TSPAN4: variants seen among roughly 807,000 people sequenced by gnomAD.
TSPAN4 encodes tetraspanin-4.
Under a neutral mutation model 31.5 loss-of-function variants are expected in TSPAN4, and 38 were observed. That is an observed-to-expected ratio of 1.21 (90% CI 0.93 to 1.58). The LOEUF is 1.58. Ranked by LOEUF, TSPAN4 falls within the 40% of genes most tolerant of loss-of-function variation. The probability of loss-of-function intolerance (pLI) is 0.00; values close to 1 mark genes in which losing one functional copy is unlikely to be tolerated. For missense variants in TSPAN4, 330 were observed against 317.3 expected (o/e 1.04, Z -0.30); for synonymous variants, 186 against 144.6 (o/e 1.29, Z -2.06).
chr11:852,096 C>T lies in TSPAN4; in HGVS notation c.63+1729C>T, dbSNP rs116318071. ...AACACACAAGGAACCCCCTTGGGAC[C>T]CTATTCTGGGCTGGAAAATGCAATT... On this transcript the variant is annotated intron_variant, in intron 3 of 8. Transcript: ENST00000397397. Among the ~76,000 whole-genome samples the T allele has an allele frequency of 3.4e-3, 519 of 152,240 alleles. 6 individuals carry two copies. The highest frequency in any genetic ancestry group is 0.012 in the African/African-American group (498 of 41,534).
intron 2 of TSPAN4, 143 bp from the exon 3 acceptor site, chr11:850,137 TACGGGCGC>T (rs1847582053): frequency 3.4e-6 from 2 of 587,736 alleles, no homozygotes; most frequent in Admixed American, 6.5e-5. Flanking sequence ...CAGCAGCCTA[TACGGGCGC>T]GCGGGCGGCG....
chr11:865,281 G>A (rs894322281), intron 5 of TSPAN4: 10 of 571,372 alleles, frequency 1.8e-5, no homozygotes, highest in Non-Finnish European at 2.8e-5. Flanking sequence ...TGTCCCCCCA[G>A]GACCCATGGT....
At chr11:866,481 C>A in intron 8 of TSPAN4, 81 bp from the exon 9 acceptor site, 1 of 1,375,688 alleles carries the variant, frequency 7.3e-7, no homozygotes, top group Non-Finnish European at 1.0e-6. Flanking sequence ...GCCAGGGCAC[C>A]TGCTGAGGAC....
intron 2 of TSPAN4, 182 bp from the exon 3 acceptor site, chr11:850,106 C>T: frequency 2.1e-6 from 1 of 470,394 alleles, no homozygotes; most frequent in Non-Finnish European, 3.8e-6. Context: ...ACTTCGCGCG[C>T]GGCGGCCCCT....
chr11:852,760 A>G (rs760419142), intron 3 of TSPAN4, among the ~76,000 whole-genome samples: 46 of 151,012 alleles, frequency 3.0e-4, no homozygotes, highest in Non-Finnish European at 5.5e-4. Flanking sequence ...TCCATTTCCT[A>G]CTCGTTGGGA....
At chr11:854,175 T>C (rs1281644454) in intron 3 of TSPAN4, among the ~76,000 whole-genome samples, 1 of 152,212 alleles carries the variant, frequency 6.6e-6, no homozygotes, top group African/African-American at 2.4e-5. Flanking sequence ...CACGAAGGGC[T>C]GTCCTCCCGC....
chr11:865,528 C>G lies in TSPAN4; in HGVS notation c.346C>G (p.Gln116Glu). 1 of 1,611,626 alleles carries G rather than the reference C, an allele frequency of 6.2e-7. No individual in the cohort carries two copies. The highest frequency in any genetic ancestry group is 8.5e-7 in the Non-Finnish European group (1 of 1,179,756). The change falls in exon 6 of 9, where the codon CAG (glutamine) becomes GAG (glutamate). Residue 116 changes from glutamine to glutamate, a missense_variant. Gln to Glu is a conservative substitution (Grantham distance 29, BLOSUM62 2). Transcript: ENST00000397397. ...GCACCCCCAGATTGACAGGTATGCC[C>G]AGCAAGACCTGAAGAAAGGCTTGCA... The part of the protein sequence containing the change: ...AYTDKIDRYA[Q>E]QDLKKGLHLY...
At chr11:845,441 A>T (rs2133980975) in intron 1 of TSPAN4, among the ~76,000 whole-genome samples, 1 of 152,014 alleles carries the variant, frequency 6.6e-6, no homozygotes, top group East Asian at 1.9e-4. Flanking sequence ...GGGCCTGTAG[A>T]TGGGGCCGAG....
Position 850,344 on chromosome 11 carries a change from T to C in TSPAN4, c.40T>C (p.Phe14Leu). 1 of 1,606,434 alleles carries C rather than the reference T, an allele frequency of 6.2e-7. No individual in the cohort carries two copies. Among genetic ancestry groups the C allele is most frequent in the Non-Finnish European group, 8.5e-7 (1 of 1,179,200 alleles). ...ACLQAVKYLM[F>L]AFNLLFWLGG... ...CCTCCAGGCCGTCAAGTACCTCATG[T>C]TCGCCTTCAACCTGCTCTTCTGGGT... Residue 14 changes from phenylalanine (F) to leucine (L), a missense_variant, in exon 3 of 9, where the codon TTC (phenylalanine) becomes CTC (leucine). By Grantham distance (22) the Phe-to-Leu change is conservative. Coordinates refer to ENST00000397397, the MANE Select transcript of TSPAN4 (RefSeq NM_003271.5).
chr11:844,111 C>G (rs1439110968), intron 1 of TSPAN4: 1 of 152,334 alleles, frequency 6.6e-6, no homozygotes, highest in Non-Finnish European at 1.5e-5. Flanking sequence ...GGCAGAAGGG[C>G]AGGACAGGGG....
intron 2 of TSPAN4, among the ~76,000 whole-genome samples, chr11:849,642 G>GGGCGCC (rs1280921098): frequency 6.6e-6 from 1 of 151,994 alleles, no homozygotes; most frequent in Non-Finnish European, 1.5e-5. Context: ...GGGGGGGCTG[G>GGGCGCC]GGCGCCGGCG....
In TSPAN4 at chr11:861,711, C is replaced by A. The variant is rs376313904; in HGVS notation, c.64-839C>A. ...TGGGTGACAGTGCGAGACTCGGTAT[C>A]AAAAAAAAAACAAAAAAGACTATTG... On this transcript the variant is annotated intron_variant, in intron 3 of 8. Coordinates refer to ENST00000397397, the MANE Select transcript of TSPAN4 (RefSeq NM_003271.5). Among the ~76,000 whole-genome samples the A allele has an allele frequency of 9.3e-4, 132 of 142,086 alleles. 2 individuals are homozygous for A. In the East Asian group the frequency reaches 0.022, roughly 24 times the overall value. The allele number at this position is 142,086 out of a possible 152,430, so 93.2% of individuals were successfully genotyped here.
chr11:857,641 G>C (rs1848138423), intron 3 of TSPAN4: 1 of 152,142 alleles, frequency 6.6e-6, no homozygotes, highest in African/African-American at 2.4e-5. Context: ...CTGACCTCGT[G>C]ATCTGCCCGC....
At position 848,711 on chromosome 11, in the gene TSPAN4, A is replaced by C; in HGVS notation, c.-18+1411A>C. The stretch of plus-strand genomic sequence containing the variant: ...TTCCTCCTGCCCTTCCTCATTCCCC[A>C]CCTCTGGGCTTCAGGTCATCTGCCA... On this transcript the variant is annotated intron_variant, in intron 2 of 8. Transcript: ENST00000397397. The surrounding 1 kb of genome is among the most constrained non-coding windows in gnomAD (Gnocchi z 5.7). The C allele has an allele frequency of 2.0e-6, 1 of 509,390 alleles. No homozygotes were observed. The highest frequency in any genetic ancestry group is 2.8e-5 in the South Asian group (1 of 35,798). 31.6% of individuals were successfully genotyped at this position (509,390 alleles called of 1,614,324 possible).
At chr11:853,034 T>G (rs1311914048) in intron 3 of TSPAN4, among the ~76,000 whole-genome samples, 1 of 151,226 alleles carries the variant, frequency 6.6e-6, no homozygotes, top group African/African-American at 2.4e-5. Flanking sequence ...ACTGGGGGGC[T>G]GTGCCCGTCC....
At chr11:849,822 CGGGGGCGCG>C (rs1489078813) in intron 2 of TSPAN4, 1 of 127,014 alleles carries the variant, frequency 7.9e-6, no homozygotes, top group African/African-American at 2.8e-5. Flanking sequence ...CGCGCGGGGT[CGGGGGCGCG>C]GGGGCCGCAG....
At chr11:862,350 C>CCAGG in intron 3 of TSPAN4, 200 bp from the exon 4 acceptor site, 1 of 561,984 alleles carries the variant, frequency 1.8e-6, no homozygotes, top group Admixed American at 3.4e-5. Context: ...GGATGGGGTG[C>CCAGG]CAGCCCAGGG....
intron 3 of TSPAN4, 168 bp from the exon 4 acceptor site, chr11:862,382 C>T (rs1848504830): frequency 3.3e-6 from 2 of 615,260 alleles, no homozygotes; most frequent in East Asian, 3.0e-5. Context: ...ACTGGCCTGC[C>T]CTGGACACCC....
intron 3 of TSPAN4, among the ~76,000 whole-genome samples, chr11:850,794 T>A (rs1378467117): frequency 6.6e-6 from 1 of 152,192 alleles, no homozygotes; most frequent in African/African-American, 2.4e-5. Flanking sequence ...GCAGCCGTTA[T>A]CCTTGCCTCG....
Sources: gnomAD v4.1 joint callset for allele counts (sites outside exome capture counted in the v4.1 genomes callset) on GRCh38, gnomAD v4.1.1 for gene constraint, Gnocchi (gnomAD v3.1) non-coding constraint, MANE v1.5 for transcripts, NCBI Gene and HGNC (gene_info 2026-07-23, HGNC 2026-07-21) for gene names.